The following MAP1A variants were observed in gnomAD, a reference collection of about 807,000 sequenced individuals.
MAP1A encodes microtubule associated protein 1A.
A neutral mutation model predicts 185.9 loss-of-function variants in MAP1A; 42 were observed. The ratio of observed to expected loss-of-function variants is 0.23; its 90% CI spans 0.18 to 0.29. The LOEUF (loss-of-function observed/expected upper bound fraction) is 0.29, where lower values mean the gene tolerates loss of function less well. Among genes scored for constraint, MAP1A ranks in the 10% least tolerant of loss-of-function variants. MAP1A has a pLI of 1.00. For missense variants in MAP1A, 2,995 were observed against 3,450.4 expected (o/e 0.87, Z 3.31); for synonymous variants, 1,229 against 1,335.9 (o/e 0.92, Z 1.74).
chr15:43,526,390 G>A lies in MAP1A; in HGVS notation c.4917G>A (p.Lys1639=). The A allele has an allele frequency of 1.9e-6, 3 of 1,614,214 alleles. No individual in the cohort carries two copies. In the South Asian group the frequency reaches 3.3e-5, roughly 18 times the overall value. Residue 1639 remains lysine, a synonymous_variant, in exon 4 of 6, where the codon AAG becomes AAA. Transcript: ENST00000300231. The surrounding 1 kb of genome is among the most constrained non-coding windows in gnomAD (Gnocchi z 4.7). ...QEGRAREQEE[K]YWRGQDVVQE... ...GCAGGGCCAGAGAGCAGGAAGAAAAGTACTGGAGGGGGCAGGATGTGGTCC... is the reference window on the plus strand; with the variant it reads ...GCAGGGCCAGAGAGCAGGAAGAAAAATACTGGAGGGGGCAGGATGTGGTCC...
chr15:43,521,088 T>C lies in MAP1A; in HGVS notation c.-175T>C. ...GTGGCACCTACTCATATGAAAACTT[T>C]GCCCAGGTCCTTCACAACCCCGAGG... On this transcript the variant is annotated 5_prime_UTR_variant, in exon 3 of 6. Transcript: ENST00000300231. The surrounding 1 kb of genome is among the most constrained non-coding windows in gnomAD (Gnocchi z 4.6). The C allele has an allele frequency of 6.5e-7, 1 of 1,549,034 alleles. No homozygotes were observed. The highest frequency in any genetic ancestry group is 8.7e-7 in the Non-Finnish European group (1 of 1,146,996).
Position 43,527,603 on chromosome 15 carries a change from C to T in MAP1A, c.6130C>T (p.Pro2044Ser), listed in dbSNP as rs762559807. Residue 2044 changes from proline to serine, a missense_variant, in exon 4 of 6, where the codon CCC becomes TCC. By Grantham distance (74) the Pro-to-Ser change is moderately conservative. Around this residue, in one of 3 missense-constraint regions of MAP1A, gnomAD observed 2,728 missense variants for 2,986.0 expected, o/e 0.91. Coordinates refer to ENST00000300231, the MANE Select transcript of MAP1A (RefSeq NM_002373.6). ...SYAALAGPTV[P>S]PRPEPGPSME... ...TGCAGCCCTGGCAGGACCCACTGTA[C>T]CCCCAAGGCCAGAGCCAGGGCCAAG... 2 of 1,613,970 alleles carry T rather than the reference C, an allele frequency of 1.2e-6. No individual in the cohort carries two copies. Among genetic ancestry groups the T allele is most frequent in the Non-Finnish European group, 1.7e-6 (2 of 1,179,978 alleles).
chr15:43,528,379 C>T lies in MAP1A; in HGVS notation c.6906C>T (p.Asp2302=). ...GMEPAAHSLW[D]LTPLSPAPPA... is the part of the protein sequence containing the mutation. ...AACCAGCTGCCCACAGCCTCTGGGA[C>T]CTCACTCCTCTGAGCCCAGCACCCC... Residue 2302 remains aspartate, a synonymous_variant, in exon 4 of 6, where the codon GAC becomes GAT. Transcript: ENST00000300231. The T allele has an allele frequency of 6.2e-7, 1 of 1,613,920 alleles. No individual in the cohort carries two copies. Among genetic ancestry groups the T allele is most frequent in the Non-Finnish European group, 8.5e-7 (1 of 1,180,020 alleles).
In MAP1A at chr15:43,524,094, G is replaced by T. The variant is rs1355087609; in HGVS notation, c.2621G>T (p.Ser874Ile). The T allele has an allele frequency of 2.5e-6, 4 of 1,614,026 alleles. No individual in the cohort carries two copies. ...TCCCTGCTGCTTGACACAGTCACAA[G>T]CATCCCTTCCTCCCGTACTGAAGCT... is the stretch of plus-strand genomic sequence containing the variant. ...KSSLLLDTVTSIPSSRTEATQ... is the reference protein window; with the variant it reads ...KSSLLLDTVTIIPSSRTEATQ... Residue 874 changes from serine (S) to isoleucine (I), a missense_variant, in exon 4 of 6, where the codon AGC becomes ATC. This residue lies in a region of MAP1A where 2,728 missense variants were observed against 2,986.0 expected (regional missense o/e 0.91). Coordinates refer to ENST00000300231, the MANE Select transcript of MAP1A (RefSeq NM_002373.6).
In MAP1A at chr15:43,527,620, A is replaced by G; in HGVS notation, c.6147A>G (p.Pro2049=). ...CCACTGTACCCCCAAGGCCAGAGCCAGGGCCAAGTATGGAGCCCAGCCTCA... is the reference window on the plus strand; with the variant it reads ...CCACTGTACCCCCAAGGCCAGAGCCGGGGCCAAGTATGGAGCCCAGCCTCA... ...AGPTVPPRPE[P]GPSMEPSLTP... is the part of the protein sequence containing the mutation. The change falls in exon 4 of 6, where the codon CCA becomes CCG. Residue 2049 remains proline (P), a synonymous_variant. Transcript: ENST00000300231. The G allele has an allele frequency of 6.2e-7, 1 of 1,613,592 alleles. No individual in the cohort carries two copies. The highest frequency in any genetic ancestry group is 8.5e-7 in the Non-Finnish European group (1 of 1,179,858).
At position 43,523,071 on chromosome 15, in the gene MAP1A, A is replaced by G; in HGVS notation, c.1598A>G (p.Gln533Arg). The G allele has an allele frequency of 1.9e-6, 3 of 1,614,190 alleles. No individual in the cohort carries two copies. The highest frequency in any genetic ancestry group is 2.5e-6 in the Non-Finnish European group (3 of 1,180,018). The change falls in exon 4 of 6, where the codon CAG (glutamine) becomes CGG (arginine). Residue 533 changes from glutamine (Q) to arginine (R), a missense_variant. Physicochemically the swap from Gln to Arg is conservative, Grantham distance 43. Coordinates refer to ENST00000300231, the MANE Select transcript of MAP1A (RefSeq NM_002373.6). Reference sequence around the variant, plus strand: ...CTATCCTCACCAGAGGACCTCACACAGGACTTTGAGGAGATGAAGCGTGAG... The same window carrying G: ...CTATCCTCACCAGAGGACCTCACACGGGACTTTGAGGAGATGAAGCGTGAG... ...LVLSSPEDLTQDFEEMKREER... is the reference protein window; with the variant it reads ...LVLSSPEDLTRDFEEMKREER...
chr15:43,517,076 C>G (rs2079300176), upstream of MAP1A, among the ~76,000 whole-genome samples: 1 of 152,200 alleles, frequency 6.6e-6, no homozygotes, highest in Non-Finnish European at 1.5e-5. Context: ...AGACTTATTT[C>G]TGCCCTCCTT....
chr15:43,521,473 C>T lies in MAP1A; in HGVS notation c.-1C>T, dbSNP rs1167140606. On this transcript the variant is annotated 5_prime_UTR_variant, in exon 4 of 6. Transcript: ENST00000300231. This position sits in a 1 kb window ranked among gnomAD's most constrained non-coding sequence, Gnocchi z 4.6. ...TAAACCCTGAGCCCACTCTGCCCAC[C>T]ATGGACGGCGTGGCTGAGTTCTCCG... 6.2e-7 allele frequency: 1 copy of T among 1,614,178 alleles called. No homozygotes were observed. Among genetic ancestry groups the T allele is most frequent in the Non-Finnish European group, 8.5e-7 (1 of 1,180,032 alleles).
chr15:43,518,111 G>A (rs895479121), intron 1 of MAP1A, among the ~76,000 whole-genome samples: 1 of 152,174 alleles, frequency 6.6e-6, no homozygotes, highest in Non-Finnish European at 1.5e-5. Flanking sequence ...GGTGTCAGCT[G>A]CTGGATTGCT....
Position 43,512,282 on chromosome 15 carries a change from G to T in MAP1A, c.331G>T (p.Glu111Ter). 6.5e-7 allele frequency: 1 copy of T among 1,537,898 alleles called. No homozygotes were observed. Among genetic ancestry groups the T allele is most frequent in the Admixed American group, 2.0e-5 (1 of 50,996 alleles). Residue 111 changes from glutamate to a stop codon, truncating the protein, a stop_gained, in exon 2 of 7, where the codon GAG (glutamate) becomes TAG (stop). Coordinates refer to the MAP1A transcript ENST00000382031. LOFTEE classifies it high-confidence loss of function. ...CCGGCACCTAGCTCACTTCTCCTCAGAGGTCAAAGGTTAGGACTAATGTTT... is the reference window on the plus strand; with the variant it reads ...CCGGCACCTAGCTCACTTCTCCTCATAGGTCAAAGGTTAGGACTAATGTTT...
chr15:43,527,578 T>C lies in MAP1A; in HGVS notation c.6105T>C (p.Tyr2035=). Residue 2035 remains tyrosine (Y), a synonymous_variant, in exon 4 of 6, where the codon TAT becomes TAC. Transcript: ENST00000300231. The part of the protein sequence containing the change: ...SLQSDTPTFS[Y]AALAGPTVPP... Reference sequence around the variant, plus strand: ...AGTCTGACACTCCAACCTTCAGCTATGCAGCCCTGGCAGGACCCACTGTAC... The same window carrying C: ...AGTCTGACACTCCAACCTTCAGCTACGCAGCCCTGGCAGGACCCACTGTAC... 6.2e-7 allele frequency: 1 copy of C among 1,614,142 alleles called. No homozygotes were observed. Among genetic ancestry groups the C allele is most frequent in the Non-Finnish European group, 8.5e-7 (1 of 1,180,010 alleles).
Position 43,526,046 on chromosome 15 carries a change from C to G in MAP1A, c.4573C>G (p.Gln1525Glu). 6.2e-7 allele frequency: 1 copy of G among 1,613,850 alleles called. No homozygotes were observed. The highest frequency in any genetic ancestry group is 8.5e-7 in the Non-Finnish European group (1 of 1,179,984). ...VAEMKDRDLE[Q>E]TDKAPEQKHQ... ...TGAAATGAAGGACAGAGACCTAGAA[C>G]AGACAGACAAAGCCCCTGAACAGAA... is the stretch of plus-strand genomic sequence containing the variant. Residue 1525 changes from glutamine (Q) to glutamate (E), a missense_variant, in exon 4 of 6, where the codon CAG becomes GAG. This residue lies in a region of MAP1A where 2,728 missense variants were observed against 2,986.0 expected (regional missense o/e 0.91). Transcript: ENST00000300231. This position sits in a 1 kb window ranked among gnomAD's most constrained non-coding sequence, Gnocchi z 4.7.
rs1379045366 is a variant in MAP1A, at chr15:43,528,781, A to G, written c.7308A>G (p.Gly2436=). 3 of 1,613,498 alleles carry G rather than the reference A, an allele frequency of 1.9e-6. No individual in the cohort carries two copies. Among genetic ancestry groups the G allele is most frequent in the Non-Finnish European group, 1.7e-6 (2 of 1,179,952 alleles). ...ASPEVEAGPQ[G]CATEPRPHRG... Reference sequence around the variant, plus strand: ...CTGAGGTCGAAGCTGGGCCCCAGGGATGTGCCACTGAGCCTCGGCCCCATC... The same window carrying G: ...CTGAGGTCGAAGCTGGGCCCCAGGGGTGTGCCACTGAGCCTCGGCCCCATC... The change falls in exon 4 of 6, where the codon GGA becomes GGG. Residue 2436 remains glycine, a synonymous_variant. Transcript: ENST00000300231.
Position 43,527,860 on chromosome 15 carries a change from C to T in MAP1A, c.6387C>T (p.His2129=), listed in dbSNP as rs1442495514. The T allele has an allele frequency of 6.2e-7, 1 of 1,614,072 alleles. No individual in the cohort carries two copies. The highest frequency in any genetic ancestry group is 2.2e-5 in the East Asian group (1 of 44,888). The stretch of plus-strand genomic sequence containing the variant: ...AGGCCCAATCCCCAAGTCCTCCTCA[C>T]CCCATTCCTATGGGGTCCCCCACAT... ...EKEAQSPSPP[H]PIPMGSPTLW... The change falls in exon 4 of 6, where the codon CAC becomes CAT. Residue 2129 remains histidine, a synonymous_variant. Coordinates refer to ENST00000300231, the MANE Select transcript of MAP1A (RefSeq NM_002373.6).
rs771506180 is a variant in MAP1A at position 43,526,177 on chromosome 15, C to G, written c.4704C>G (p.Asn1568Lys). 6.2e-7 allele frequency: 1 copy of G among 1,613,752 alleles called. No homozygotes were observed. The highest frequency in any genetic ancestry group is 8.5e-7 in the Non-Finnish European group (1 of 1,179,970). ...AGAAGGATGAAGCCCTGGAACAAAA[C>G]ATTCAGGCTCTGGAAGAGAACCACC... The part of the protein sequence containing the change: ...LGQKDEALEQ[N>K]IQALEENHQT... Residue 1568 changes from asparagine (N) to lysine (K), a missense_variant, in exon 4 of 6, where the codon AAC (asparagine) becomes AAG (lysine). Transcript: ENST00000300231. This position sits in a 1 kb window ranked among gnomAD's most constrained non-coding sequence, Gnocchi z 4.7.
chr15:43,518,708 A>T (rs1003730566), intron 1 of MAP1A, among the ~76,000 whole-genome samples: 1 of 83,632 alleles, frequency 1.2e-5, no homozygotes, highest in African/African-American at 4.6e-5. Flanking sequence ...ACCGCAGCCC[A>T]CCCCCCCCCG....
Position 43,529,385 on chromosome 15 carries a change from G to A in MAP1A, c.7912G>A (p.Asp2638Asn). 1.9e-6 allele frequency: 3 copies of A among 1,613,948 alleles called. No homozygotes were observed. The highest frequency in any genetic ancestry group is 2.5e-6 in the Non-Finnish European group (3 of 1,180,016). The change falls in exon 4 of 6, where the codon GAT (aspartate) becomes AAT (asparagine). Residue 2638 changes from aspartate to asparagine, a missense_variant. Asp to Asn is a conservative substitution (Grantham distance 23). Around this residue, in one of 3 missense-constraint regions of MAP1A, gnomAD observed 2,728 missense variants for 2,986.0 expected, o/e 0.91. Coordinates refer to ENST00000300231, the MANE Select transcript of MAP1A (RefSeq NM_002373.6). This position sits in a 1 kb window ranked among gnomAD's most constrained non-coding sequence, Gnocchi z 4.3. ...ACCCACCCCTGGTAAAGGGCCTGCA[G>A]ATCGAGCATCCCGGGCCCCACCTCG... ...RSPTPGKGPA[D>N]RASRAPPRPR... is the part of the protein sequence containing the mutation.
At chr15:43,518,326 C>T (rs2079305966) in intron 1 of MAP1A, among the ~76,000 whole-genome samples, 1 of 152,066 alleles carries the variant, frequency 6.6e-6, no homozygotes. Context: ...CCTTTCTGGC[C>T]CTGCCGAGGC....
In MAP1A at chr15:43,525,569, G is replaced by A. The variant is rs767284774; in HGVS notation, c.4096G>A (p.Val1366Ile). ...GAAGGAACCTGAGCCAAAGGATGAA[G>A]TTTTACAGCAGAAAGACAAAACTCT... ...QKKEPEPKDE[V>I]LQQKDKTLEH... The change falls in exon 4 of 6, where the codon GTT (valine) becomes ATT (isoleucine). Residue 1366 changes from valine to isoleucine, a missense_variant. Around this residue, in one of 3 missense-constraint regions of MAP1A, gnomAD observed 2,728 missense variants for 2,986.0 expected, o/e 0.91. Transcript: ENST00000300231. 23 of 1,614,112 alleles carry A rather than the reference G, an allele frequency of 1.4e-5. No individual in the cohort carries two copies. In the African/African-American group the frequency reaches 2.7e-4, roughly 19 times the overall value.
Sources: gnomAD v4.1 joint callset for allele counts (sites outside exome capture counted in the v4.1 genomes callset) on GRCh38, gnomAD v4.1.1 for gene constraint, gnomAD v4.1.1 regional missense constraint, Gnocchi (gnomAD v3.1) non-coding constraint, MANE v1.5 for transcripts, NCBI Gene and HGNC (gene_info 2026-07-23, HGNC 2026-07-21) for gene names.